The following DSCAML1 variants were observed in gnomAD, a reference collection of about 807,000 sequenced individuals.
The protein encoded by DSCAML1 is DS cell adhesion molecule like 1, also known as cell adhesion molecule DSCAML1.
DSCAML1 carries 38 observed loss-of-function variants against 200.5 expected under a neutral mutation model. The observed-to-expected ratio is 0.19, with a 90% CI of 0.15 to 0.25. The LOEUF (loss-of-function observed/expected upper bound fraction) is 0.25, where lower values mean the gene tolerates loss of function less well. DSCAML1 is among the 10% of genes least tolerant of loss of function. The pLI, the probability that DSCAML1 is intolerant of heterozygous loss-of-function variation, is 1.00. For synonymous variants in DSCAML1, 1,215 were observed against 1,165.0 expected, an observed-to-expected ratio of 1.04 and a Z score of -0.87; for missense variants, 2,223 against 2,858.8, an observed-to-expected ratio of 0.78 and a Z score of 5.07.
intron 3 of DSCAML1, among the ~76,000 whole-genome samples, chr11:117,750,066 C>T (rs902579160): frequency 1.3e-5 from 2 of 152,182 alleles, no homozygotes; most frequent in African/African-American, 2.4e-5. Context: ...TTCTTGTTCT[C>T]GATTTGTCCT....
chr11:117,616,626 T>G (rs1453311581), intron 3 of DSCAML1, among the ~76,000 whole-genome samples: 1 of 152,220 alleles, frequency 6.6e-6, no homozygotes, highest in Non-Finnish European at 1.5e-5. Context: ...AATTAGATTT[T>G]ATGCTTTTTT....
chr11:117,595,911 C>T (rs759420654), intron 3 of DSCAML1, among the ~76,000 whole-genome samples: 8 of 152,070 alleles, frequency 5.3e-5, no homozygotes, highest in Non-Finnish European at 1.2e-4. Context: ...GGTGAAGGAA[C>T]AAAATGTCAT....
intron 3 of DSCAML1, among the ~76,000 whole-genome samples, chr11:117,604,428 C>G (rs1020680860): frequency 6.6e-6 from 1 of 152,078 alleles, no homozygotes; most frequent in African/African-American, 2.4e-5. Context: ...GCCTGCCCCT[C>G]CCTCCCTCTC....
At chr11:117,734,458 C>G (rs1344145154) in intron 3 of DSCAML1, among the ~76,000 whole-genome samples, 9 of 152,192 alleles carry the variant, frequency 5.9e-5, no homozygotes, top group Non-Finnish European at 7.4e-5. Context: ...CTTCCCCATT[C>G]CTAGAAAGCA....
At chr11:117,641,615 A>G (rs1220944643) in intron 3 of DSCAML1, among the ~76,000 whole-genome samples, 1 of 152,110 alleles carries the variant, frequency 6.6e-6, no homozygotes, top group Non-Finnish European at 1.5e-5. Context: ...GGAGTGATAG[A>G]TCAGAACCTT....
At chr11:117,450,461 T>C in intron 20 of DSCAML1, 88 bp downstream of exon 20, 1 of 1,525,466 alleles carries the variant, frequency 6.6e-7, no homozygotes, top group South Asian at 1.3e-5. Flanking sequence ...ACAGGCAGCC[T>C]CAGGGTTTGG....
intron 19 of DSCAML1, among the ~76,000 whole-genome samples, chr11:117,452,718 C>T (rs1452724565): frequency 6.6e-6 from 1 of 151,444 alleles, no homozygotes; most frequent in African/African-American, 2.4e-5. Flanking sequence ...TTAATTAAGT[C>T]AAATAAAAAA....
chr11:117,544,903 A>C (rs2137375998), intron 3 of DSCAML1, among the ~76,000 whole-genome samples: 1 of 152,318 alleles, frequency 6.6e-6, no homozygotes. Context: ...AAATGAAGTC[A>C]TGAGGGTGGG....
intron 32 of DSCAML1, 33 bp from the exon 33 acceptor site, chr11:117,428,836 A>G: frequency 4.5e-6 from 7 of 1,540,884 alleles, no homozygotes; most frequent in Middle Eastern, 2.1e-4. Flanking sequence ...TGTTACAGAG[A>G]GTCATAGCCC....
Position 117,471,940 on chromosome 11 carries a change from C to A in DSCAML1, c.2882G>T (p.Arg961Leu), listed in dbSNP as rs755981103. ...DLHPASVYSIRMYSFNKIGRS... is the reference protein window; with the variant it reads ...DLHPASVYSILMYSFNKIGRS... Reference sequence around the variant, plus strand: ...GCCAATCTTGTTGAAAGAGTACATGCGGATGCTGTACACAGATGCCGGGTG... The same window carrying A: ...GCCAATCTTGTTGAAAGAGTACATGAGGATGCTGTACACAGATGCCGGGTG... Residue 961 changes from arginine to leucine, a missense_variant, in exon 15 of 33, where the codon CGC (arginine) becomes CTC (leucine). This residue lies in a region of DSCAML1 where 438 missense variants were observed against 629.7 expected (regional missense o/e 0.70). Transcript: ENST00000651296. The A allele has an allele frequency of 8.7e-6, 14 of 1,613,974 alleles. No homozygotes were observed. Among genetic ancestry groups the A allele is most frequent in the African/African-American group, 8.0e-5 (6 of 74,892 alleles).
At chr11:117,678,559 A>G (rs1415986182) in intron 3 of DSCAML1, among the ~76,000 whole-genome samples, 1 of 152,232 alleles carries the variant, frequency 6.6e-6, no homozygotes, top group African/African-American at 2.4e-5. Flanking sequence ...GTTGGGGGGC[A>G]GCTGTATTTG....
chr11:117,550,435 T>C (rs2050447849), intron 3 of DSCAML1, among the ~76,000 whole-genome samples: 1 of 126,204 alleles, frequency 7.9e-6, no homozygotes, highest in South Asian at 2.3e-4. Flanking sequence ...GTGTCTGGCC[T>C]GAAAGCCCAG....
chr11:117,814,159 C>T (rs2055783491), intron 1 of DSCAML1, among the ~76,000 whole-genome samples: 1 of 152,100 alleles, frequency 6.6e-6, no homozygotes, highest in South Asian at 2.1e-4. Flanking sequence ...AGAACAACCC[C>T]CTTTGACTGT....
In DSCAML1 at chr11:117,458,702, G is replaced by T. The variant is rs75649894; in HGVS notation, c.3568+52C>A. 6 of 1,595,884 alleles carry T rather than the reference G, an allele frequency of 3.8e-6. No individual in the cohort carries two copies. The African/African-American group carries it at 6.7e-5, about 18-fold the overall frequency. ...CCTGCCTCCTGGGGTGGGGCTGGGG[G>T]TTAGCAGTGGGTGGCAGGGCCAGCC... On this transcript the variant is annotated intron_variant, in intron 19 of 32. Coordinates refer to ENST00000651296, the MANE Select transcript of DSCAML1 (RefSeq NM_020693.4).
chr11:117,442,235 CGT>C (rs750906852), intron 21 of DSCAML1, among the ~76,000 whole-genome samples: 22 of 134,470 alleles, frequency 1.6e-4, no homozygotes, highest in Admixed American at 5.2e-4. Flanking sequence ...TGTGTGTGTG[CGT>C]GTGTATGCAT....
intron 3 of DSCAML1, chr11:117,709,728 C>CAA (rs1453120581): frequency 4.4e-6 from 2 of 454,934 alleles, no homozygotes; most frequent in Non-Finnish European, 8.8e-6. Flanking sequence ...CAGGGGAAGC[C>CAA]AATAAGGCAA....
At chr11:117,546,439 T>C (rs1848562415) in intron 3 of DSCAML1, among the ~76,000 whole-genome samples, 1 of 152,196 alleles carries the variant, frequency 6.6e-6, no homozygotes, top group Admixed American at 6.5e-5. Flanking sequence ...AATGAATGCA[T>C]AGCTCTTCTA....
At chr11:117,693,455 T>C (rs1385139283) in intron 3 of DSCAML1, among the ~76,000 whole-genome samples, 2 of 152,222 alleles carry the variant, frequency 1.3e-5, no homozygotes, top group Non-Finnish European at 1.5e-5. Flanking sequence ...CAAAGCTTTA[T>C]AAATGACTGA....
intron 3 of DSCAML1, among the ~76,000 whole-genome samples, chr11:117,598,722 C>G (rs1452197773): frequency 1.3e-5 from 2 of 152,096 alleles, no homozygotes; most frequent in East Asian, 1.9e-4. Context: ...AAAAAGGGAG[C>G]AGGGAGGCAG....
Sources: allele counts gnomAD v4.1 joint callset (sites outside exome capture counted in the v4.1 genomes callset), GRCh38; gene constraint gnomAD v4.1.1; regional missense constraint gnomAD v4.1.1; transcripts MANE v1.5; gene names NCBI Gene and HGNC (gene_info 2026-07-23, HGNC 2026-07-21).